PPP2CA: variants seen among roughly 807,000 people sequenced by gnomAD.
PPP2CA encodes the protein serine/threonine-protein phosphatase 2A catalytic subunit alpha isoform.
A neutral mutation model predicts 38.8 loss-of-function variants in PPP2CA; 5 were observed. The ratio of observed to expected loss-of-function variants is 0.13; its 90% confidence interval spans 0.07 to 0.27. The LOEUF is 0.27. PPP2CA is among the 10% of genes least tolerant of loss of function. The pLI is 1.00. For missense variants in PPP2CA, 88 were observed against 389.7 expected (o/e 0.23, Z 6.52); for synonymous variants, 152 against 134.0 (o/e 1.13, Z -0.93).
chr5:134,217,497 T>G (rs1762346597), intron 1 of PPP2CA, among the ~76,000 whole-genome samples: 1 of 152,184 alleles, frequency 6.6e-6, no homozygotes, highest in African/African-American at 2.4e-5. Flanking sequence ...ATAAGTAAAA[T>G]TACTAAATTC....
intron 1 of PPP2CA, among the ~76,000 whole-genome samples, chr5:134,214,892 T>A (rs545697684): frequency 6.6e-6 from 1 of 152,160 alleles, no homozygotes; most frequent in Non-Finnish European, 1.5e-5. Flanking sequence ...TTTTTCATTT[T>A]AAAATCTATA....
intron 1 of PPP2CA, among the ~76,000 whole-genome samples, chr5:134,211,724 G>T (rs1214468219): frequency 2.0e-5 from 3 of 150,160 alleles, no homozygotes; most frequent in African/African-American, 7.4e-5. Context: ...TGATCCACCC[G>T]CCTTGGCCTC....
intron 1 of PPP2CA, among the ~76,000 whole-genome samples, chr5:134,212,266 T>C (rs1054966677): frequency 3.9e-5 from 6 of 152,222 alleles, no homozygotes; most frequent in Non-Finnish European, 8.8e-5. Flanking sequence ...ATCAGCACCA[T>C]TTTCCCACCA....
intron 1 of PPP2CA, among the ~76,000 whole-genome samples, chr5:134,211,476 ATTT>A (rs59314759): frequency 2.6e-4 from 34 of 131,734 alleles, no homozygotes; most frequent in African/African-American, 4.9e-4. Context: ...ATGGAAGACA[ATTT>A]TTTTTTTTTT....
chr5:134,217,707 G>T (rs1390392854), intron 1 of PPP2CA, among the ~76,000 whole-genome samples: 1 of 152,202 alleles, frequency 6.6e-6, no homozygotes, highest in Non-Finnish European at 1.5e-5. Flanking sequence ...ACTAGCCCTG[G>T]AAGCAAATGA....
chr5:134,198,440 G>C (rs940792481), intron 6 of PPP2CA, among the ~76,000 whole-genome samples: 3 of 151,622 alleles, frequency 2.0e-5, no homozygotes, highest in African/African-American at 7.3e-5. Flanking sequence ...TTTTAAAAGT[G>C]AAAAACCTAG....
intron 1 of PPP2CA, 169 bp downstream of exon 1, chr5:134,225,591 G>A (rs768670624): frequency 1.5e-5 from 8 of 526,520 alleles, no homozygotes; most frequent in Non-Finnish European, 2.6e-5. Flanking sequence ...GCGGGAGGCA[G>A]GGGGCGCCGG....
At chr5:134,201,396 T>C (rs1406743424) in intron 3 of PPP2CA, among the ~76,000 whole-genome samples, 1 of 152,226 alleles carries the variant, frequency 6.6e-6, no homozygotes, top group Non-Finnish European at 1.5e-5. Flanking sequence ...TTCTTCCTAA[T>C]AGACCATCGC....
At chr5:134,208,538 TAC>T (rs1441857352) in intron 1 of PPP2CA, among the ~76,000 whole-genome samples, 1 of 59,108 alleles carries the variant, frequency 1.7e-5, no homozygotes, top group Non-Finnish European at 4.6e-5. Context: ...AATTTTGATG[TAC>T]AGATGCTCCT....
intron 1 of PPP2CA, among the ~76,000 whole-genome samples, chr5:134,215,983 A>G (rs1762311729): frequency 6.6e-6 from 1 of 152,222 alleles, no homozygotes; most frequent in African/African-American, 2.4e-5. Context: ...GATGGACAAC[A>G]GAGTACTCTT....
intron 1 of PPP2CA, among the ~76,000 whole-genome samples, chr5:134,212,450 TGTC>T (rs1389116172): frequency 6.6e-6 from 1 of 152,210 alleles, no homozygotes; most frequent in Non-Finnish European, 1.5e-5. Flanking sequence ...ACTTAATAAA[TGTC>T]GTATATATTC....
intron 1 of PPP2CA, among the ~76,000 whole-genome samples, chr5:134,212,308 T>C (rs1762220687): frequency 6.6e-6 from 1 of 152,246 alleles, no homozygotes; most frequent in Non-Finnish European, 1.5e-5. Context: ...TTGTCACATC[T>C]TGGTACTTCT....
intron 1 of PPP2CA, among the ~76,000 whole-genome samples, chr5:134,212,702 G>A (rs763478030): frequency 6.6e-6 from 1 of 152,196 alleles, no homozygotes; most frequent in Non-Finnish European, 1.5e-5. Flanking sequence ...AAACTGCTAA[G>A]GTATAAATGC....
At position 134,197,909 on chromosome 5, in the gene PPP2CA, A is replaced by T. The variant is rs1034502103; in HGVS notation, c.858-65T>A. On this transcript the variant is annotated intron_variant, in intron 6 of 6. Coordinates refer to ENST00000481195, the MANE Select transcript of PPP2CA (RefSeq NM_002715.4). Reference sequence around the variant, plus strand: ...CTCCATGTAGTGACAATCAAGATCAAGAACATGAGTCTTCCAAACTTTACA... The same window carrying T: ...CTCCATGTAGTGACAATCAAGATCATGAACATGAGTCTTCCAAACTTTACA... The T allele has an allele frequency of 3.7e-6, 5 of 1,362,318 alleles. No individual in the cohort carries two copies. The South Asian group carries it at 5.9e-5, about 16-fold the overall frequency. The allele number at this position is 1,362,318 out of a possible 1,614,324, so 84.4% of individuals were successfully genotyped here. A position where few individuals can be genotyped will look rare whatever the true frequency, so the allele number is the denominator to read the frequency against.
At chr5:134,224,663 G>A (rs1458171401) in intron 1 of PPP2CA, among the ~76,000 whole-genome samples, 1 of 152,178 alleles carries the variant, frequency 6.6e-6, no homozygotes, top group Non-Finnish European at 1.5e-5. Flanking sequence ...AGAAAACTGA[G>A]TTACAAGAAT....
chr5:134,202,165 C>T lies in PPP2CA; in HGVS notation c.313-144G>A, dbSNP rs572691856. On this transcript the variant is annotated intron_variant, in intron 2 of 6. Transcript: ENST00000481195. ...CTCATATCATAGTGAACCAAAACCA[C>T]AGCTCTACAGAATTTTTAAATGCCC... The T allele has an allele frequency of 8.4e-5, 63 of 751,828 alleles. No individual in the cohort carries two copies. The East Asian group carries it at 1.2e-3, about 14-fold the overall frequency. 46.6% of individuals were successfully genotyped at this position (751,828 alleles called of 1,614,324 possible).
At chr5:134,218,184 G>C (rs1295227458) in intron 1 of PPP2CA, among the ~76,000 whole-genome samples, 1 of 151,716 alleles carries the variant, frequency 6.6e-6, no homozygotes, top group African/African-American at 2.4e-5. Context: ...AATCTTCTTT[G>C]ATTAAAATCA....
At chr5:134,224,191 A>G (rs1580654374) in intron 1 of PPP2CA, 1 of 435,324 alleles carries the variant, frequency 2.3e-6, no homozygotes, top group East Asian at 7.0e-5. Flanking sequence ...GTACCTAGAA[A>G]TTAAGACCTG....
rs761802710 is a variant in PPP2CA, at chr5:134,197,750, A to T, written c.*22T>A. 6.3e-7 allele frequency: 1 copy of T among 1,589,648 alleles called. No individual in the cohort carries two copies. Among genetic ancestry groups the T allele is most frequent in the Non-Finnish European group, 8.6e-7 (1 of 1,157,954 alleles). ...AGGTCGATATATGGTTCATGGCAAT[A>T]CTGTACAAGTTTAAAATTTCATTAC... On this transcript the variant is annotated 3_prime_UTR_variant, in exon 7 of 7. Coordinates refer to ENST00000481195, the MANE Select transcript of PPP2CA (RefSeq NM_002715.4).
Sources: allele counts gnomAD v4.1 joint callset (sites outside exome capture counted in the v4.1 genomes callset), GRCh38; gene constraint gnomAD v4.1.1; transcripts MANE v1.5; gene names NCBI Gene and HGNC (gene_info 2026-07-23, HGNC 2026-07-21).